ZNF177: variants seen among roughly 807,000 people sequenced by gnomAD.
ZNF177 encodes zinc finger protein 177.
In ZNF177, 17 loss-of-function variants were observed where a neutral mutation model predicts 19.4. That is an observed-to-expected ratio of 0.87 (90% confidence interval 0.60 to 1.31). The LOEUF (loss-of-function observed/expected upper bound fraction) is 1.31, where lower values mean the gene tolerates loss of function less well. Ranked by LOEUF, ZNF177 falls within the 40% of genes most tolerant of loss-of-function variation. The pLI, the probability that ZNF177 is intolerant of heterozygous loss-of-function variation, is 0.00. For missense variants in ZNF177, 633 were observed against 561.8 expected (o/e 1.13, Z -1.28); for synonymous variants, 220 against 188.7 (o/e 1.17, Z -1.36).
chr19:9,366,922 C>G (rs139597823), intron 2 of ZNF177, among the ~76,000 whole-genome samples: 25 of 152,216 alleles, frequency 1.6e-4, no homozygotes, highest in Non-Finnish European at 3.4e-4. Context: ...TTTGCATTTC[C>G]CTGGTGTCTA....
At position 9,381,948 on chromosome 19, in the gene ZNF177, AGT is replaced by A. The variant is rs1283506872; in HGVS notation, c.*173_*174del. On this transcript the variant is annotated 3_prime_UTR_variant, in exon 6 of 6. Coordinates refer to ENST00000589262, the Ensembl canonical transcript of ZNF177. The stretch of plus-strand genomic sequence containing the variant: ...TGTTATAGCTATGATTGTTTTTATC[AGT>A]GAGTATTTCATTCTTATATGTGTCA... 4 of 1,008,978 alleles carry A rather than the reference AGT, an allele frequency of 4.0e-6. No individual in the cohort carries two copies. The African/African-American group carries it at 6.5e-5, about 16-fold the overall frequency. 62.5% of individuals were successfully genotyped at this position (1,008,978 alleles called of 1,614,324 possible).
intron 1 of ZNF177, among the ~76,000 whole-genome samples, chr19:9,363,487 C>T (rs531384561): frequency 4.6e-5 from 7 of 152,028 alleles, no homozygotes; most frequent in Non-Finnish European, 8.8e-5. Flanking sequence ...CTTTTTTTCC[C>T]CTCTGTTATG....
intron 2 of ZNF177, among the ~76,000 whole-genome samples, chr19:9,367,546 A>G (rs2122492270): frequency 6.6e-6 from 1 of 152,226 alleles, no homozygotes; most frequent in Admixed American, 6.5e-5. Context: ...GTTGTACTAT[A>G]TTTCCTATTT....
intron 3 of ZNF177, 68 bp downstream of exon 5, chr19:9,379,156 G>C: frequency 6.6e-7 from 1 of 1,506,876 alleles, no homozygotes; most frequent in Non-Finnish European, 8.9e-7. Context: ...TTATGTTCCA[G>C]AATCTGTGGA....
chr19:9,375,824 G>T (rs144616678), upstream of ZNF177, among the ~76,000 whole-genome samples: 111 of 152,054 alleles, frequency 7.3e-4, no homozygotes, highest in Middle Eastern at 0.02. Context: ...ATTTATTTCT[G>T]CTGCGATCTT....
chr19:9,381,261 G>A, exon 6 of ZNF177: 1 of 1,614,108 alleles, frequency 6.2e-7, no homozygotes, highest in Non-Finnish European at 8.5e-7. Flanking sequence ...CTGGAGAGAA[G>A]CCTTATGAGT....
chr19:9,378,952 G>T lies in ZNF177; in HGVS notation c.34-10G>T, dbSNP rs755420787. 6.3e-7 allele frequency: 1 copy of T among 1,595,444 alleles called. No homozygotes were observed. Among genetic ancestry groups the T allele is most frequent in the South Asian group, 1.1e-5 (1 of 88,634 alleles). ...ATTGGCTGAGCCAGAATATGTATGT[G>T]ATGTTTTAGAACTCAGTAACCTTCC... is the stretch of plus-strand genomic sequence containing the variant. On this transcript the variant is annotated splice_polypyrimidine_tract_variant and intron_variant, in intron 2 of 5. Coordinates refer to ENST00000589262, the Ensembl canonical transcript of ZNF177.
chr19:9,369,032 C>G (rs1213914232), intron 2 of ZNF177, among the ~76,000 whole-genome samples: 2 of 151,922 alleles, frequency 1.3e-5, no homozygotes, highest in Non-Finnish European at 2.9e-5. Flanking sequence ...GTTTTATATA[C>G]CAAATTTGGA....
At chr19:9,380,219 A>G in intron 5 of ZNF177, 80 bp downstream of exon 7, 2 of 1,458,640 alleles carry the variant, frequency 1.4e-6, no homozygotes, top group Non-Finnish European at 1.8e-6. Context: ...CAGCACCCAA[A>G]GCAGGGGTAA....
chr19:9,381,933 ATGAT>A, exon 6 of ZNF177: 1 of 1,149,506 alleles, frequency 8.7e-7, no homozygotes, highest in Non-Finnish European at 1.2e-6. Context: ...TGTTATAGCT[ATGAT>A]TGTTTTTATC....
Position 9,381,468 on chromosome 19 carries a change from TC to T in ZNF177, c.1138del (p.Gln380SerfsTer60). On this transcript the variant is annotated frameshift_variant, in exon 6 of 6. Coordinates refer to ENST00000589262, the Ensembl canonical transcript of ZNF177. LOFTEE classifies it low-confidence loss of function (END_TRUNC). ...GTGACTGTGGAAAAGCCTTCATCGA[TC>T]AGTCATCCCTTAAGAAACACACACG... 6.2e-7 allele frequency: 1 copy of T among 1,611,542 alleles called. No individual in the cohort carries two copies. The highest frequency in any genetic ancestry group is 8.5e-7 in the Non-Finnish European group (1 of 1,177,878).
chr19:9,368,109 T>G (rs1314590120), intron 2 of ZNF177, among the ~76,000 whole-genome samples: 1 of 152,220 alleles, frequency 6.6e-6, no homozygotes, highest in African/African-American at 2.4e-5. Flanking sequence ...CTAAATAATC[T>G]AGTTTTGTTT....
chr19:9,364,034 A>C (rs1006895489), intron 1 of ZNF177, among the ~76,000 whole-genome samples: 17 of 152,220 alleles, frequency 1.1e-4, no homozygotes, highest in African/African-American at 4.1e-4. Flanking sequence ...TTTAAAGTGT[A>C]TAAATCAGTG....
chr19:9,382,288 T>G, downstream of ZNF177: 1 of 398,562 alleles, frequency 2.5e-6, no homozygotes, highest in South Asian at 1.3e-4. Flanking sequence ...CAGAAGTCAC[T>G]GGATACAGCT....
intron 1 of ZNF177, among the ~76,000 whole-genome samples, chr19:9,363,859 A>G (rs570501596): frequency 6.6e-6 from 1 of 152,304 alleles, no homozygotes; most frequent in East Asian, 1.9e-4. Flanking sequence ...TGCCCTGCCT[A>G]CGACCTCCGA....
downstream of ZNF177, chr19:9,382,259 C>G (rs148847638): frequency 1.2e-4 from 47 of 399,436 alleles, no homozygotes; most frequent in African/African-American, 9.4e-4. Context: ...GTTCACATCC[C>G]TAGCCCATGC....
intron 5 of ZNF177, chr19:9,380,457 G>T: frequency 1.1e-6 from 1 of 951,248 alleles, no homozygotes; most frequent in Non-Finnish European, 1.5e-6. Flanking sequence ...GCCCTTTGCT[G>T]GGAAGGAATA....
At chr19:9,374,752 TTTCATGGTGTC>T (rs1387141311), upstream of ZNF177, among the ~76,000 whole-genome samples, 2 of 152,220 alleles carry the variant, frequency 1.3e-5, no homozygotes, top group Admixed American at 6.5e-5. Context: ...TTTAACATTT[TTTCATGGTGTC>T]TTTAGGGTTT....
chr19:9,381,024 T>C (rs183190712), exon 6 of ZNF177: 2 of 1,592,622 alleles, frequency 1.3e-6, no homozygotes, highest in African/African-American at 2.7e-5. Flanking sequence ...GAGAGAAAGG[T>C]GATGAATGCA....
Sources: gnomAD v4.1 joint callset for allele counts (sites outside exome capture counted in the v4.1 genomes callset) on GRCh38, gnomAD v4.1.1 for gene constraint, MANE v1.5 for transcripts, NCBI Gene and HGNC (gene_info 2026-07-23, HGNC 2026-07-21) for gene names.